ARL15: variants seen among roughly 807,000 people sequenced by gnomAD.
ARL15 encodes the protein ADP-ribosylation factor-like protein 15.
ARL15 carries 19 observed loss-of-function variants against 25.2 expected under a neutral mutation model. The ratio of observed to expected loss-of-function variants is 0.75; its 90% CI spans 0.53 to 1.10. The LOEUF (loss-of-function observed/expected upper bound fraction) is 1.10. ARL15 is among the 50% of genes least tolerant of loss of function. ARL15 has a pLI of 0.00. For synonymous variants in ARL15, 94 were observed against 86.8 expected, an observed-to-expected ratio of 1.08 and a Z score of -0.46; for missense variants, 220 against 246.0, an observed-to-expected ratio of 0.89 and a Z score of 0.71.
intron 1 of ARL15, among the ~76,000 whole-genome samples, chr5:54,300,152 G>T (rs766380985): frequency 1.4e-4 from 22 of 151,980 alleles, no homozygotes; most frequent in Non-Finnish European, 2.9e-4. Flanking sequence ...TCTCCCTTCT[G>T]CCCTTGAACC....
At chr5:54,218,120 T>C (rs1412976917) in intron 1 of ARL15, among the ~76,000 whole-genome samples, 1 of 152,198 alleles carries the variant, frequency 6.6e-6, no homozygotes, top group African/African-American at 2.4e-5. Flanking sequence ...CTCCCATTTA[T>C]TTGTGTCTGA....
intron 2 of ARL15, among the ~76,000 whole-genome samples, chr5:54,162,394 T>C (rs997551774): frequency 1.3e-5 from 2 of 152,150 alleles, no homozygotes; most frequent in African/African-American, 4.8e-5. Context: ...AGAAGTCTTC[T>C]CCATGCTCCA....
chr5:54,024,358 G>A (rs1749711496), intron 4 of ARL15, among the ~76,000 whole-genome samples: 1 of 152,192 alleles, frequency 6.6e-6, no homozygotes, highest in East Asian at 1.9e-4. Context: ...CTACATGCAG[G>A]TAATGGTACT....
At chr5:53,922,963 G>C (rs1446607565) in intron 4 of ARL15, among the ~76,000 whole-genome samples, 1 of 152,194 alleles carries the variant, frequency 6.6e-6, no homozygotes, top group African/African-American at 2.4e-5. Context: ...AGTGTATACA[G>C]AGCATGTTCT....
intron 1 of ARL15, among the ~76,000 whole-genome samples, chr5:54,222,443 T>C (rs1756404670): frequency 1.3e-5 from 2 of 152,144 alleles, no homozygotes; most frequent in Admixed American, 6.5e-5. Flanking sequence ...GAGCAGCCTG[T>C]TTGGATATTG....
At chr5:54,114,800 G>C (rs189757786) in intron 3 of ARL15, among the ~76,000 whole-genome samples, 2 of 151,934 alleles carry the variant, frequency 1.3e-5, no homozygotes. Context: ...AATAGGAGGG[G>C]CAATATGTGT....
intron 1 of ARL15, among the ~76,000 whole-genome samples, chr5:54,231,450 T>C (rs1756668450): frequency 6.6e-6 from 1 of 152,184 alleles, no homozygotes; most frequent in African/African-American, 2.4e-5. Context: ...ACACTTCACC[T>C]TGAATAATCT....
At chr5:54,218,601 G>C (rs1010964304) in intron 1 of ARL15, among the ~76,000 whole-genome samples, 1 of 152,176 alleles carries the variant, frequency 6.6e-6, no homozygotes, top group African/African-American at 2.4e-5. Context: ...TCCCGCGGTA[G>C]CATAAAAACC....
chr5:53,901,797 T>C (rs1745075749), intron 4 of ARL15, among the ~76,000 whole-genome samples: 1 of 152,234 alleles, frequency 6.6e-6, no homozygotes, highest in African/African-American at 2.4e-5. Flanking sequence ...TGTGTCTGCC[T>C]CAGTAACTGA....
intron 1 of ARL15, among the ~76,000 whole-genome samples, chr5:54,284,177 T>C (rs568382269): frequency 6.6e-6 from 1 of 152,256 alleles, no homozygotes; most frequent in South Asian, 2.1e-4. Flanking sequence ...AATCTGGAAT[T>C]ACTGTATCCT....
chr5:54,137,175 T>C (rs938300353), intron 3 of ARL15, among the ~76,000 whole-genome samples: 7 of 151,974 alleles, frequency 4.6e-5, no homozygotes, highest in Non-Finnish European at 8.8e-5. Context: ...AAGTGATATA[T>C]TCTAGGTTAG....
At position 53,958,930 on chromosome 5, in the gene ARL15, A is replaced by T. The variant is rs371601692; in HGVS notation, c.463-72217T>A. Among the ~76,000 whole-genome samples the T allele has an allele frequency of 2.0e-4, 31 of 152,346 alleles. No homozygotes were observed. In the East Asian group the frequency reaches 4.2e-3, roughly 21 times the overall value. ...ATGAAGCCAACATTTACAAAATTGA[A>T]GGAAGAAATAGAAAATTCGACAATA... On this transcript the variant is annotated intron_variant, in intron 4 of 4. Transcript: ENST00000504924.
intron 4 of ARL15, among the ~76,000 whole-genome samples, chr5:53,907,484 ATATATTT>A (rs1561143909): frequency 3.8e-5 from 1 of 26,388 alleles, no homozygotes; most frequent in Non-Finnish European, 6.4e-5. Context: ...ATATATATAT[ATATATTT>A]TTTTTTTTTT....
At chr5:54,036,714 T>G (rs1250809054) in intron 4 of ARL15, among the ~76,000 whole-genome samples, 1 of 152,212 alleles carries the variant, frequency 6.6e-6, no homozygotes, top group African/African-American at 2.4e-5. Flanking sequence ...AACCTAATTA[T>G]TTCAGAATCA....
intron 4 of ARL15, among the ~76,000 whole-genome samples, chr5:54,074,533 C>T (rs1172939820): frequency 1.3e-5 from 2 of 152,260 alleles, no homozygotes; most frequent in Non-Finnish European, 2.9e-5. Context: ...TTTTTATCTG[C>T]TTTTCTGCTT....
chr5:53,893,326 G>A (rs1016875381), intron 4 of ARL15, among the ~76,000 whole-genome samples: 2 of 126,728 alleles, frequency 1.6e-5, no homozygotes, highest in Non-Finnish European at 3.8e-5. Flanking sequence ...ACACATTTAG[G>A]CTGGGCACGG....
At position 54,139,843 on chromosome 5, in the gene ARL15, AT is replaced by A. The variant is rs376843264; in HGVS notation, c.253+14736del. 2.5e-4 allele frequency among the ~76,000 whole-genome samples: 38 copies of A among 152,280 alleles called. No homozygotes were observed. The East Asian group carries it at 6.2e-3, about 25-fold the overall frequency. ...TGAGACCCTGTCTCAAAAAAAAGGA[AT>A]AAAAAATGACTTTTAAAAGTATTTT... On this transcript the variant is annotated intron_variant, in intron 3 of 4. Transcript: ENST00000504924.
At chr5:53,945,509 C>G (rs1413061181) in intron 4 of ARL15, among the ~76,000 whole-genome samples, 1 of 151,928 alleles carries the variant, frequency 6.6e-6, no homozygotes, top group Non-Finnish European at 1.5e-5. Flanking sequence ...AAACTACCTC[C>G]AACTCAGGCA....
chr5:54,120,563 A>G (rs1221734493), intron 3 of ARL15, among the ~76,000 whole-genome samples: 1 of 152,192 alleles, frequency 6.6e-6, no homozygotes. Context: ...AGTTCTGGAG[A>G]AATGTTCCCT....
Sources: gnomAD v4.1 joint callset for allele counts (sites outside exome capture counted in the v4.1 genomes callset) on GRCh38, gnomAD v4.1.1 for gene constraint, MANE v1.5 for transcripts, NCBI Gene and HGNC (gene_info 2026-07-23, HGNC 2026-07-21) for gene names.